IMPG1: variants seen among roughly 807,000 people sequenced by gnomAD.
IMPG1 encodes the protein interphotoreceptor matrix proteoglycan of 150 kDa.
In IMPG1, 85 loss-of-function variants were observed where a neutral mutation model predicts 92.0. The observed-to-expected ratio is 0.92, with a 90% CI of 0.78 to 1.11. The LOEUF (loss-of-function observed/expected upper bound fraction) is 1.11, where lower values mean the gene tolerates loss of function less well. Among genes scored for constraint, IMPG1 ranks in the 50% least tolerant of loss-of-function variants. The probability of loss-of-function intolerance (pLI) is 0.00; values close to 1 mark genes in which losing one functional copy is unlikely to be tolerated. For synonymous variants in IMPG1, 367 were observed against 334.1 expected (o/e 1.10, Z -1.08); for missense variants, 1,022 against 956.0 (o/e 1.07, Z -0.91).
At chr6:76,048,622 C>T (rs1332584367) in intron 1 of IMPG1, among the ~76,000 whole-genome samples, 4 of 152,178 alleles carry the variant, frequency 2.6e-5, no homozygotes, top group Admixed American at 6.6e-5. Flanking sequence ...ACATCATTTT[C>T]CCTTTTGCTA....
chr6:75,951,943 AAAT>A (rs5877467), intron 12 of IMPG1, among the ~76,000 whole-genome samples: 148,099 of 150,564 alleles, frequency 0.98, 72,857 homozygotes, highest in South Asian at 1. Context: ...CTCTGTCTCA[AAAT>A]AATAATAATA....
chr6:75,948,813 A>T (rs903582688), intron 13 of IMPG1, among the ~76,000 whole-genome samples: 7 of 152,130 alleles, frequency 4.6e-5, no homozygotes, highest in African/African-American at 1.7e-4. Flanking sequence ...ACTAGTTCCC[A>T]CTAATATGAT....
At chr6:75,970,188 A>G (rs1465334811) in intron 12 of IMPG1, among the ~76,000 whole-genome samples, 1 of 152,144 alleles carries the variant, frequency 6.6e-6, no homozygotes, top group Non-Finnish European at 1.5e-5. Context: ...TTCCTACTTG[A>G]TGTTAATTTT....
chr6:75,986,113 C>A (rs1482974361), intron 12 of IMPG1, among the ~76,000 whole-genome samples: 1 of 151,932 alleles, frequency 6.6e-6, no homozygotes, highest in Non-Finnish European at 1.5e-5. Flanking sequence ...AACCATGTAC[C>A]ATGGGTTTTT....
intron 13 of IMPG1, among the ~76,000 whole-genome samples, chr6:75,949,358 C>T (rs1399454316): frequency 6.6e-6 from 1 of 152,214 alleles, no homozygotes; most frequent in African/African-American, 2.4e-5. Context: ...TCTGGTCGTC[C>T]TCACTACTAC....
intron 12 of IMPG1, among the ~76,000 whole-genome samples, chr6:75,985,037 T>C (rs1436412731): frequency 6.6e-6 from 1 of 152,250 alleles, no homozygotes; most frequent in Non-Finnish European, 1.5e-5. Context: ...TATTTCTTTA[T>C]AGTAATGCAA....
chr6:75,976,099 G>C (rs185015074), intron 12 of IMPG1, among the ~76,000 whole-genome samples: 91 of 152,210 alleles, frequency 6.0e-4, no homozygotes, highest in African/African-American at 2.2e-3. Flanking sequence ...TGGAACCAAT[G>C]ATAACATCTT....
intron 14 of IMPG1, among the ~76,000 whole-genome samples, chr6:75,936,669 A>G (rs895907810): frequency 2.0e-5 from 3 of 152,202 alleles, no homozygotes; most frequent in African/African-American, 7.2e-5. Flanking sequence ...ACCCACACAC[A>G]TCTTGCCCTG....
Position 76,034,548 on chromosome 6 carries a change from A to G in IMPG1, c.468+73T>C. ...ACCCTTACGTTGTGGAAACCAATTC[A>G]AAAGGCCTAGGGGCTGGAGCCTGGG... On this transcript the variant is annotated intron_variant, in intron 3 of 16. Coordinates refer to ENST00000369950, the MANE Select transcript of IMPG1 (RefSeq NM_001563.4). The G allele has an allele frequency of 4.6e-6, 7 of 1,511,166 alleles. No homozygotes were observed. In the South Asian group the frequency reaches 8.3e-5, roughly 18 times the overall value. The allele number at this position is 1,511,166 out of a possible 1,614,324, so 93.6% of individuals were successfully genotyped here.
intron 14 of IMPG1, chr6:75,934,932 A>G (rs767060579): frequency 4.2e-6 from 2 of 471,262 alleles, no homozygotes; most frequent in Non-Finnish European, 8.8e-6. Flanking sequence ...CGTGTTGGAC[A>G]GAAAGTGATA....
intron 9 of IMPG1, among the ~76,000 whole-genome samples, chr6:76,007,051 C>G (rs1783110660): frequency 1.3e-5 from 2 of 152,156 alleles, no homozygotes; most frequent in Admixed American, 6.5e-5. Flanking sequence ...GCCCTTTTCT[C>G]AGTTCACATT....
intron 12 of IMPG1, among the ~76,000 whole-genome samples, chr6:75,973,492 AGTACTTG>A (rs1302680188): frequency 2.0e-5 from 3 of 152,160 alleles, no homozygotes; most frequent in Admixed American, 6.5e-5. Context: ...TCATTTTTTG[AGTACTTG>A]GTACATGCTA....
intron 7 of IMPG1, among the ~76,000 whole-genome samples, chr6:76,016,381 A>T (rs889230554): frequency 1.8e-4 from 27 of 152,266 alleles, no homozygotes; most frequent in African/African-American, 6.5e-4. Flanking sequence ...AGATACTCTG[A>T]CTATACTAAG....
intron 1 of IMPG1, among the ~76,000 whole-genome samples, chr6:76,062,430 T>C (rs1458898647): frequency 2.0e-5 from 3 of 152,182 alleles, no homozygotes; most frequent in Admixed American, 6.5e-5. Flanking sequence ...ATAATAAAAC[T>C]ACAAAAAGGC....
chr6:75,968,702 T>G (rs898653055), intron 12 of IMPG1, among the ~76,000 whole-genome samples: 1 of 152,136 alleles, frequency 6.6e-6, no homozygotes, highest in Admixed American at 6.6e-5. Flanking sequence ...GATGTTATTT[T>G]TAGATTTTTT....
intron 12 of IMPG1, among the ~76,000 whole-genome samples, chr6:75,998,588 C>G (rs1782936837): frequency 6.6e-6 from 1 of 152,126 alleles, no homozygotes; most frequent in Non-Finnish European, 1.5e-5. Context: ...ATTAAGAGAC[C>G]TGGTTTCTGT....
chr6:75,963,353 C>A (rs1782240220), intron 12 of IMPG1, among the ~76,000 whole-genome samples: 2 of 152,118 alleles, frequency 1.3e-5, no homozygotes, highest in African/African-American at 4.8e-5. Flanking sequence ...AGTTAAAAGA[C>A]ATTGTTTTTG....
chr6:76,012,869 C>T (rs762997426), intron 7 of IMPG1, among the ~76,000 whole-genome samples: 14 of 152,206 alleles, frequency 9.2e-5, no homozygotes, highest in Non-Finnish European at 2.1e-4. Flanking sequence ...AGCCTCTCTG[C>T]CTCAGACAGG....
chr6:75,944,240 C>T (rs948971584), intron 14 of IMPG1, among the ~76,000 whole-genome samples: 2 of 152,164 alleles, frequency 1.3e-5, no homozygotes, highest in African/African-American at 4.8e-5. Flanking sequence ...GCCTGCTCCT[C>T]CCTGCCTGCT....
Sources: gnomAD v4.1 joint callset for allele counts (sites outside exome capture counted in the v4.1 genomes callset) on GRCh38, gnomAD v4.1.1 for gene constraint, MANE v1.5 for transcripts, NCBI Gene and HGNC (gene_info 2026-07-23, HGNC 2026-07-21) for gene names.